The following PFKFB3 variants were observed in gnomAD, a reference collection of about 807,000 sequenced individuals.
The protein encoded by PFKFB3 is 6-phosphofructo-2-kinase/fructose-2,6-bisphosphatase 3.
In PFKFB3, 33 loss-of-function variants were observed where a neutral mutation model predicts 68.0. The observed-to-expected ratio is 0.49, with a 90% CI of 0.37 to 0.65. The LOEUF (loss-of-function observed/expected upper bound fraction) is 0.65. PFKFB3 is among the 30% of genes least tolerant of loss of function. PFKFB3 has a pLI of 0.00. For synonymous variants in PFKFB3, 315 were observed against 288.2 expected (o/e 1.09, Z -0.94); for missense variants, 586 against 712.2 (o/e 0.82, Z 2.02).
chr10:6,216,346 G>A (rs1468630511), intron 4 of PFKFB3, among the ~76,000 whole-genome samples, 155 bp downstream of exon 4: 1 of 152,158 alleles, frequency 6.6e-6, no homozygotes, highest in Non-Finnish European at 1.5e-5. Flanking sequence ...GAGGATGTGG[G>A]GTGGACTCAG....
the PFKFB3 span, among the ~76,000 whole-genome samples, chr10:6,260,561 T>C: frequency 1.3e-5 from 2 of 152,190 alleles, no homozygotes; most frequent in African/African-American, 4.8e-5. Context: ...CTTCTTTTTA[T>C]AGTTTTACCA....
chr10:6,275,306 TG>T, the PFKFB3 span, among the ~76,000 whole-genome samples: 1 of 152,226 alleles, frequency 6.6e-6, no homozygotes, highest in Non-Finnish European at 1.5e-5. The surrounding 1 kb of genome is among the most constrained non-coding windows in gnomAD (Gnocchi z 4.9). Context: ...CTGCATAGCT[TG>T]TCTGTGACTC....
chr10:6,265,712 G>A, the PFKFB3 span, among the ~76,000 whole-genome samples: 1 of 152,072 alleles, frequency 6.6e-6, no homozygotes, highest in South Asian at 2.1e-4. Flanking sequence ...CTGGTGCCAC[G>A]AAGACATCCT....
downstream of PFKFB3, among the ~76,000 whole-genome samples, chr10:6,237,957 T>G (rs1846058363): frequency 6.8e-6 from 1 of 147,472 alleles, no homozygotes; most frequent in Non-Finnish European, 1.5e-5. Flanking sequence ...TGTGAGCCGG[T>G]CTTTCCAGTC....
intron 1 of PFKFB3, among the ~76,000 whole-genome samples, chr10:6,185,956 A>G (rs1457332060): frequency 6.6e-6 from 1 of 151,924 alleles, no homozygotes; most frequent in African/African-American, 2.4e-5. Flanking sequence ...CTCCAGTTTT[A>G]AGAACTCGAG....
At chr10:6,295,668 C>T in the PFKFB3 span, among the ~76,000 whole-genome samples, 1 of 152,104 alleles carries the variant, frequency 6.6e-6, no homozygotes, top group Non-Finnish European at 1.5e-5. Context: ...GGGTGTTTCT[C>T]TTCCCCCAGG....
chr10:6,222,517 A>AGCCCC (rs2131990603), intron 10 of PFKFB3, among the ~76,000 whole-genome samples: 1 of 152,198 alleles, frequency 6.6e-6, no homozygotes, highest in East Asian at 1.9e-4. Flanking sequence ...TGCCCGGCCC[A>AGCCCC]GCCCCGGCAC....
chr10:6,209,925 T>A (rs960927795), intron 1 of PFKFB3, among the ~76,000 whole-genome samples: 4 of 151,968 alleles, frequency 2.6e-5, no homozygotes, highest in Admixed American at 1.3e-4. Context: ...CCATCACGCC[T>A]GGCTAATGTT....
intron 1 of PFKFB3, among the ~76,000 whole-genome samples, chr10:6,162,325 A>G (rs775506058): frequency 1.3e-5 from 2 of 152,230 alleles, no homozygotes; most frequent in African/African-American, 2.4e-5. Context: ...GCTGTTGTCA[A>G]TAATGCTGCT....
chr10:6,221,344 C>G (rs775844183), intron 8 of PFKFB3, 37 bp from the exon 9 acceptor site: 1 of 1,610,846 alleles, frequency 6.2e-7, no homozygotes, highest in East Asian at 2.2e-5. Flanking sequence ...GAGCTGCGGG[C>G]ATCTGGAATC....
At chr10:6,214,266 A>G (rs1844416012) in intron 2 of PFKFB3, among the ~76,000 whole-genome samples, 1 of 152,158 alleles carries the variant, frequency 6.6e-6, no homozygotes, top group Non-Finnish European at 1.5e-5. Flanking sequence ...CCTATTGTGA[A>G]CTGGGCATGT....
intron 1 of PFKFB3, among the ~76,000 whole-genome samples, chr10:6,178,631 C>A (rs567883055): frequency 6.6e-6 from 1 of 152,148 alleles, no homozygotes; most frequent in Non-Finnish European, 1.5e-5. Flanking sequence ...TGCCCTGGGC[C>A]GTGGAGATGA....
chr10:6,259,184 T>TATCCATCC (rs199968075), downstream of PFKFB3, among the ~76,000 whole-genome samples: 34 of 138,536 alleles, frequency 2.5e-4, 1 homozygote, highest in African/African-American at 6.4e-4. Context: ...CCCATCCATC[T>TATCCATCC]ATCCATCCAT....
chr10:6,214,158 C>T (rs1844410253), intron 2 of PFKFB3, among the ~76,000 whole-genome samples: 2 of 152,232 alleles, frequency 1.3e-5, no homozygotes, highest in South Asian at 4.1e-4. Context: ...CTGTTAGGAA[C>T]CTGGCTGCAG....
chr10:6,179,315 A>C (rs944258413), intron 1 of PFKFB3, among the ~76,000 whole-genome samples: 2 of 152,262 alleles, frequency 1.3e-5, no homozygotes, highest in African/African-American at 2.4e-5. Flanking sequence ...GAAGCCGACA[A>C]GAGCCCAAAC....
intron 10 of PFKFB3, 104 bp from the exon 11 acceptor site, chr10:6,222,751 T>G: frequency 1.6e-6 from 2 of 1,258,374 alleles, no homozygotes; most frequent in Non-Finnish European, 1.1e-6. Context: ...TGATGGATGA[T>G]TGATTTTGCG....
At chr10:6,237,873 G>A (rs1051823767), downstream of PFKFB3, among the ~76,000 whole-genome samples, 14 of 151,810 alleles carry the variant, frequency 9.2e-5, no homozygotes, top group Non-Finnish European at 5.9e-5. Flanking sequence ...GCTAAAGACT[G>A]TTTTATAAAC....
intron 6 of PFKFB3, among the ~76,000 whole-genome samples, chr10:6,217,665 G>A (rs11818646): frequency 0.046 from 6,955 of 152,210 alleles, 543 homozygotes; most frequent in African/African-American, 0.16. Context: ...GATGCATCTC[G>A]TGAACCTGCC....
chr10:6,304,242 G>A, the PFKFB3 span, among the ~76,000 whole-genome samples: 1 of 152,080 alleles, frequency 6.6e-6, no homozygotes, highest in Non-Finnish European at 1.5e-5. Context: ...TCTCTGGAAA[G>A]CACTAATGGA....
Sources: gnomAD v4.1 joint callset for allele counts (sites outside exome capture counted in the v4.1 genomes callset) on GRCh38, gnomAD v4.1.1 for gene constraint, Gnocchi (gnomAD v3.1) non-coding constraint, MANE v1.5 for transcripts, NCBI Gene and HGNC (gene_info 2026-07-23, HGNC 2026-07-21) for gene names.